SVEP1: variants seen among roughly 807,000 people sequenced by gnomAD.
The protein encoded by SVEP1 is sushi, von Willebrand factor type A, EGF and pentraxin domain containing 1, also known as sushi, von Willebrand factor type A, EGF and pentraxin domain-containing protein 1.
A neutral mutation model predicts 367.3 loss-of-function variants in SVEP1; 164 were observed. That is an observed-to-expected ratio of 0.45 (90% CI 0.39 to 0.51). SVEP1 has a LOEUF of 0.51. Ranked by LOEUF, SVEP1 falls within the 20% of genes least tolerant of loss-of-function variation. The probability of loss-of-function intolerance (pLI) is 0.00; values close to 1 mark genes in which losing one functional copy is unlikely to be tolerated. For missense variants in SVEP1, 4,117 were observed against 4,425.3 expected (o/e 0.93, Z 1.98); for synonymous variants, 1,666 against 1,611.6 (o/e 1.03, Z -0.81).
chr9:110,380,092 T>C (rs2118952214), intron 43 of SVEP1, among the ~76,000 whole-genome samples: 1 of 152,340 alleles, frequency 6.6e-6, no homozygotes, highest in South Asian at 2.1e-4. Context: ...TTTCCTCTTT[T>C]CAATACTGTA....
chr9:110,386,103 G>T, intron 42 of SVEP1, 29 bp from the exon 43 acceptor site: 2 of 1,593,282 alleles, frequency 1.3e-6, no homozygotes, highest in Non-Finnish European at 1.7e-6. Flanking sequence ...AATGCTTACT[G>T]ATATTTCCCC....
chr9:110,408,105 G>A lies in SVEP1; in HGVS notation c.7495C>T (p.Leu2499=). The A allele has an allele frequency of 1.2e-6, 2 of 1,613,848 alleles. No individual in the cohort carries two copies. The highest frequency in any genetic ancestry group is 1.7e-6 in the Non-Finnish European group (2 of 1,179,844). The change falls in exon 38 of 48, where the codon CTG becomes TTG. Residue 2499 remains leucine, a synonymous_variant. Coordinates refer to ENST00000374469, the MANE Select transcript of SVEP1 (RefSeq NM_153366.4). ...GKPTCKAIEC[L]KPKEILNGKF... ...CCATTCAAAATCTCCTTGGGTTTCA[G>A]GCACTCAATGGCTTTACATGTTGGT... is the stretch of plus-strand genomic sequence containing the variant.
chr9:110,455,364 T>C (rs1469150696), intron 22 of SVEP1, among the ~76,000 whole-genome samples: 1 of 152,222 alleles, frequency 6.6e-6, no homozygotes, highest in Non-Finnish European at 1.5e-5. Flanking sequence ...GCTTGTTTTA[T>C]AAAGCAATTA....
intron 23 of SVEP1, 97 bp from the exon 24 acceptor site, chr9:110,450,357 G>A (rs1828673631): frequency 8.0e-7 from 1 of 1,242,514 alleles, no homozygotes; most frequent in Admixed American, 2.0e-5. Context: ...TGCTTCTAGA[G>A]GATTGGAATG....
chr9:110,504,073 G>C (rs925900734), intron 5 of SVEP1, among the ~76,000 whole-genome samples: 1 of 150,780 alleles, frequency 6.6e-6, no homozygotes, highest in African/African-American at 2.4e-5. Context: ...TTTTGTTTTT[G>C]AGATGGAGTC....
In SVEP1 at chr9:110,519,168, T is replaced by A. The variant is rs78716689; in HGVS notation, c.965-5062A>T. On this transcript the variant is annotated intron_variant, in intron 3 of 47. Transcript: ENST00000374469. ...TGTAATAGTAGTAGTACTTTCCTTG[T>A]ATATTTTTGTTGTTGTTGTTAGGAT... Among the ~76,000 whole-genome samples, 38 of 152,318 alleles carry A rather than the reference T, an allele frequency of 2.5e-4. No individual in the cohort carries two copies. The East Asian group carries it at 7.3e-3, about 29-fold the overall frequency.
rs572022040 is a variant in SVEP1 at position 110,500,831 on chromosome 9, A to T, written c.1484-1593T>A. Among the ~76,000 whole-genome samples the T allele has an allele frequency of 1.7e-4, 26 of 152,116 alleles. No individual in the cohort carries two copies. In the South Asian group the frequency reaches 5.4e-3, roughly 32 times the overall value. ...AAAGATTTGAAAACCTGATAGAGCT[A>T]CTTTCTATTTACTATTCCTATTGCT... On this transcript the variant is annotated intron_variant, in intron 6 of 47. Coordinates refer to ENST00000374469, the MANE Select transcript of SVEP1 (RefSeq NM_153366.4).
In SVEP1 at chr9:110,408,061, G is replaced by A. The variant is rs751488578; in HGVS notation, c.7539C>T (p.Asp2513=). The A allele has an allele frequency of 6.2e-7, 1 of 1,612,592 alleles. No individual in the cohort carries two copies. The highest frequency in any genetic ancestry group is 2.2e-5 in the East Asian group (1 of 44,810). Residue 2513 remains aspartate (D), a synonymous_variant, in exon 38 of 48, where the codon GAC becomes GAT. Transcript: ENST00000374469. The stretch of plus-strand genomic sequence containing the variant: ...AGGTAACGGTCTGTCCATAGTGTAG[G>A]TCCGTGTAAGAGAATTTGCCATTCA... ...EILNGKFSYT[D]LHYGQTVTYS... is the part of the protein sequence containing the mutation.
At chr9:110,484,151 C>T (rs1353774821) in intron 9 of SVEP1, among the ~76,000 whole-genome samples, 1 of 152,106 alleles carries the variant, frequency 6.6e-6, no homozygotes, top group African/African-American at 2.4e-5. Flanking sequence ...GGACCATGGG[C>T]CAGAGATCTG....
Position 110,572,728 on chromosome 9 carries a change from G to A in SVEP1, c.531+6285C>T, listed in dbSNP as rs372092560. ...AATACAAAATTTAGTCAGGTGTGACGCCGAGATGGCGTCACTGCACTCCAG... is the reference window on the plus strand; with the variant it reads ...AATACAAAATTTAGTCAGGTGTGACACCGAGATGGCGTCACTGCACTCCAG... On this transcript the variant is annotated intron_variant, in intron 1 of 47. Transcript: ENST00000374469. 8.8e-4 allele frequency among the ~76,000 whole-genome samples: 125 copies of A among 141,664 alleles called. 3 individuals are homozygous for A. In the South Asian group the frequency reaches 0.022, roughly 25 times the overall value. 92.9% of individuals were successfully genotyped at this position (141,664 alleles called of 152,430 possible).
chr9:110,533,282 A>G (rs1363478155), intron 3 of SVEP1, among the ~76,000 whole-genome samples: 1 of 152,286 alleles, frequency 6.6e-6, no homozygotes, highest in East Asian at 1.9e-4. Context: ...CACTTACTAC[A>G]TGCCTGGCCC....
intron 9 of SVEP1, among the ~76,000 whole-genome samples, chr9:110,484,244 C>A (rs7031921): frequency 6.6e-6 from 1 of 152,164 alleles, no homozygotes; most frequent in South Asian, 2.1e-4. Flanking sequence ...AGGTGGAACG[C>A]TGGAGCTAAA....
intron 45 of SVEP1, 23 bp from the exon 46 acceptor site, chr9:110,375,486 AAAAAG>A (rs1191313372): frequency 6.8e-7 from 1 of 1,463,000 alleles, no homozygotes; most frequent in South Asian, 1.3e-5. Flanking sequence ...AAAAAAAAAA[AAAAAG>A]GAGGCAGGGG....
At chr9:110,557,215 A>C (rs1281017273) in intron 1 of SVEP1, among the ~76,000 whole-genome samples, 1 of 152,160 alleles carries the variant, frequency 6.6e-6, no homozygotes, top group African/African-American at 2.4e-5. Context: ...ATCTCATCCT[A>C]CTTCCAAGCT....
At chr9:110,502,436 A>G (rs1448670369) in intron 6 of SVEP1, among the ~76,000 whole-genome samples, 1 of 152,002 alleles carries the variant, frequency 6.6e-6, no homozygotes, top group Non-Finnish European at 1.5e-5. Context: ...TCTTACTTAT[A>G]TTTTAAATTC....
At chr9:110,524,719 T>TATTATTAC (rs1255353566) in intron 3 of SVEP1, among the ~76,000 whole-genome samples, 8 of 109,204 alleles carry the variant, frequency 7.3e-5, no homozygotes, top group Non-Finnish European at 1.2e-4. Flanking sequence ...TATTATTACT[T>TATTATTAC]TTTTTTTTTT....
At chr9:110,432,711 GCAGTT>G in intron 30 of SVEP1, 76 bp from the exon 31 acceptor site, 1 of 1,487,578 alleles carries the variant, frequency 6.7e-7, no homozygotes, top group South Asian at 1.3e-5. Context: ...TATTAAACTA[GCAGTT>G]CAGTTAAGCA....
intron 43 of SVEP1, among the ~76,000 whole-genome samples, chr9:110,382,046 GTC>G (rs1286624386): frequency 1.3e-5 from 2 of 151,362 alleles, no homozygotes; most frequent in African/African-American, 4.8e-5. Context: ...GGCATTTTGT[GTC>G]TTTTAAGTGG....
chr9:110,473,760 T>G (rs1829057378), intron 14 of SVEP1, among the ~76,000 whole-genome samples: 2 of 152,198 alleles, frequency 1.3e-5, no homozygotes, highest in Non-Finnish European at 1.5e-5. Flanking sequence ...TCAAAATTTA[T>G]GAAATGTAGT....
Sources: allele counts gnomAD v4.1 joint callset (sites outside exome capture counted in the v4.1 genomes callset), GRCh38; gene constraint gnomAD v4.1.1; transcripts MANE v1.5; gene names NCBI Gene and HGNC (gene_info 2026-07-23, HGNC 2026-07-21).